The following THEMIS variants were observed in gnomAD, a reference collection of about 807,000 sequenced individuals.
THEMIS encodes protein THEMIS.
Under a neutral mutation model 52.6 loss-of-function variants are expected in THEMIS, and 37 were observed. That is an observed-to-expected ratio of 0.70 (90% CI 0.54 to 0.93). The LOEUF (loss-of-function observed/expected upper bound fraction) is 0.93, where lower values mean the gene tolerates loss of function less well. THEMIS is among the 40% of genes least tolerant of loss of function. The pLI is 0.00. For synonymous variants in THEMIS, 292 were observed against 272.7 expected, an observed-to-expected ratio of 1.07 and a Z score of -0.70; for missense variants, 808 against 763.1, an observed-to-expected ratio of 1.06 and a Z score of -0.69.
chr6:127,751,786 T>A (rs1477203895), intron 4 of THEMIS, among the ~76,000 whole-genome samples: 1 of 151,674 alleles, frequency 6.6e-6, no homozygotes, highest in Non-Finnish European at 1.5e-5. Context: ...ACAATGGATT[T>A]ATTATCCAGA....
At chr6:127,766,594 T>C (rs1425982727) in intron 4 of THEMIS, among the ~76,000 whole-genome samples, 1 of 152,180 alleles carries the variant, frequency 6.6e-6, no homozygotes, top group African/African-American at 2.4e-5. Context: ...ACATAGATGG[T>C]ACAGCCTACT....
chr6:127,816,473 C>T (rs1583310582), intron 3 of THEMIS, among the ~76,000 whole-genome samples: 1 of 152,168 alleles, frequency 6.6e-6, no homozygotes, highest in East Asian at 1.9e-4. Flanking sequence ...TCCTCCAAAA[C>T]CTAAGCTATA....
chr6:127,854,878 T>C lies in THEMIS; in HGVS notation c.250+152A>G, dbSNP rs116226848. 1.0e-3 allele frequency: 594 copies of C among 583,878 alleles called. 4 individuals carry two copies. The African/African-American group carries it at 0.01, about 10-fold the overall frequency. The allele number at this position is 583,878 out of a possible 1,614,324, so 36.2% of individuals were successfully genotyped here. ...GAAAATAGTTGCTTTCCATTCGTTC[T>C]TAAAATGATCAAACTATAACAATTC... On this transcript the variant is annotated intron_variant, in intron 2 of 5. Coordinates refer to ENST00000368248, the MANE Select transcript of THEMIS (RefSeq NM_001010923.3).
In THEMIS at chr6:127,813,902, T is replaced by C. The variant is rs377547658; in HGVS notation, c.739A>G (p.Ser247Gly). ...FRKDIIRILP[S>G]LDVEVKDITD... ...ATGTCTTTGACTTCGACATCTAGAC[T>C]GGGGAGGATGCGGATTATATCTTTT... is the stretch of plus-strand genomic sequence containing the variant. Residue 247 changes from serine (S) to glycine (G), a missense_variant, in exon 4 of 6, where the codon AGT becomes GGT. Physicochemically the swap from Ser to Gly is moderately conservative, Grantham distance 56. Coordinates refer to ENST00000368248, the MANE Select transcript of THEMIS (RefSeq NM_001010923.3). The C allele has an allele frequency of 2.5e-5, 39 of 1,583,606 alleles. No homozygotes were observed. Among genetic ancestry groups the C allele is most frequent in the Non-Finnish European group, 3.2e-5 (37 of 1,169,076 alleles).
chr6:127,768,874 G>A (rs571818307), intron 4 of THEMIS, among the ~76,000 whole-genome samples: 1 of 152,070 alleles, frequency 6.6e-6, no homozygotes, highest in Non-Finnish European at 1.5e-5. Flanking sequence ...TGGCTTCCCT[G>A]TTCTTAGCTC....
chr6:127,802,410 T>G (rs1008643027), intron 4 of THEMIS, among the ~76,000 whole-genome samples: 1 of 152,126 alleles, frequency 6.6e-6, no homozygotes, highest in African/African-American at 2.4e-5. Flanking sequence ...GATCCTGAGG[T>G]GGCAGGGGCC....
intron 2 of THEMIS, among the ~76,000 whole-genome samples, chr6:127,846,327 A>G (rs1247912407): frequency 6.6e-6 from 1 of 151,984 alleles, no homozygotes; most frequent in East Asian, 1.9e-4. Context: ...GCAAAGGAAC[A>G]AGAAAGTATG....
chr6:127,709,950 A>T lies in THEMIS; in HGVS notation c.*35T>A. On this transcript the variant is annotated 3_prime_UTR_variant, in exon 6 of 6. Transcript: ENST00000368248. ...AGCTTCTTTTTTCACTGCAACATTTATGTTTGCTGCCTAAGTGGCTTCTGT... is the reference window on the plus strand; with the variant it reads ...AGCTTCTTTTTTCACTGCAACATTTTTGTTTGCTGCCTAAGTGGCTTCTGT... 6.3e-7 allele frequency: 1 copy of T among 1,575,328 alleles called. No individual in the cohort carries two copies. The highest frequency in any genetic ancestry group is 8.6e-7 in the Non-Finnish European group (1 of 1,162,116).
chr6:127,863,294 T>A (rs1779867874), intron 1 of THEMIS, among the ~76,000 whole-genome samples: 1 of 152,184 alleles, frequency 6.6e-6, no homozygotes, highest in African/African-American at 2.4e-5. Context: ...TAATGTATTA[T>A]GATAACTGAG....
At chr6:127,720,751 G>A (rs759637256) in intron 4 of THEMIS, among the ~76,000 whole-genome samples, 1 of 151,942 alleles carries the variant, frequency 6.6e-6, no homozygotes, top group Non-Finnish European at 1.5e-5. Flanking sequence ...TTTAAAGCTT[G>A]AGAAAGGCCA....
At chr6:127,762,343 A>G (rs1421942850) in intron 4 of THEMIS, among the ~76,000 whole-genome samples, 1 of 152,108 alleles carries the variant, frequency 6.6e-6, no homozygotes, top group African/African-American at 2.4e-5. Context: ...TCTATATTCA[A>G]CAATATTATA....
At chr6:127,851,545 C>T (rs1236219363) in intron 2 of THEMIS, among the ~76,000 whole-genome samples, 1 of 151,676 alleles carries the variant, frequency 6.6e-6, no homozygotes, top group East Asian at 1.9e-4. Flanking sequence ...TGAACAGACA[C>T]CTCACCAAAG....
chr6:127,719,835 C>CAGGTCACA lies in THEMIS; in HGVS notation c.1759-20_1759-13dup. On this transcript the variant is annotated splice_polypyrimidine_tract_variant and intron_variant, in intron 4 of 5. Transcript: ENST00000368248. ...TCTACGTGATGACGCTGAAATGACACAGGTCACAAGTAAATTATCAGTCCA... is the reference window on the plus strand; with the variant it reads ...TCTACGTGATGACGCTGAAATGACACAGGTCACAAGGTCACAAGTAAATTATCAGTCCA... The CAGGTCACA allele has an allele frequency of 6.2e-7, 1 of 1,610,226 alleles. No homozygotes were observed. The highest frequency in any genetic ancestry group is 1.1e-5 in the South Asian group (1 of 90,512).
At chr6:127,801,262 A>G (rs969126255) in intron 4 of THEMIS, among the ~76,000 whole-genome samples, 4 of 152,192 alleles carry the variant, frequency 2.6e-5, no homozygotes, top group Non-Finnish European at 4.4e-5. Flanking sequence ...TCCTAAGTTC[A>G]GTGGGCAAAG....
intron 1 of THEMIS, among the ~76,000 whole-genome samples, chr6:127,911,487 A>G (rs1457275904): frequency 1.3e-5 from 2 of 151,046 alleles, no homozygotes; most frequent in African/African-American, 4.9e-5. Flanking sequence ...TTATAATCTG[A>G]TACTGCTTTT....
At chr6:127,739,206 C>T (rs530658274) in intron 4 of THEMIS, among the ~76,000 whole-genome samples, 79 of 152,068 alleles carry the variant, frequency 5.2e-4, no homozygotes, top group African/African-American at 1.9e-3. Context: ...AAAGAATATT[C>T]AAGAAGAGTC....
At chr6:127,750,906 T>C (rs1414085389) in intron 4 of THEMIS, among the ~76,000 whole-genome samples, 4 of 151,686 alleles carry the variant, frequency 2.6e-5, no homozygotes, top group Non-Finnish European at 5.9e-5. Flanking sequence ...AAGAAATACT[T>C]TCCCAGGCAA....
intron 3 of THEMIS, among the ~76,000 whole-genome samples, chr6:127,827,584 A>G (rs1340596633): frequency 6.6e-6 from 1 of 152,212 alleles, no homozygotes; most frequent in African/African-American, 2.4e-5. Context: ...ATATGTTAAT[A>G]TCCCCTGATC....
intron 1 of THEMIS, among the ~76,000 whole-genome samples, chr6:127,882,673 T>G (rs188000497): frequency 5.1e-4 from 77 of 152,040 alleles, no homozygotes; most frequent in African/African-American, 1.7e-3. Context: ...TCATTAGACT[T>G]TAATTTCATT....
Sources: allele counts gnomAD v4.1 joint callset (sites outside exome capture counted in the v4.1 genomes callset), GRCh38; gene constraint gnomAD v4.1.1; transcripts MANE v1.5; gene names NCBI Gene and HGNC (gene_info 2026-07-23, HGNC 2026-07-21).